The following KCNT2 variants were observed in gnomAD, a reference collection of about 807,000 sequenced individuals.
KCNT2 encodes potassium sodium-activated channel subfamily T member 2, also known as potassium channel subfamily T member 2.
In KCNT2, 67 loss-of-function variants were observed where a neutral mutation model predicts 153.8. That is an observed-to-expected ratio of 0.44 (90% confidence interval 0.36 to 0.53). The LOEUF (loss-of-function observed/expected upper bound fraction) is 0.53. KCNT2 is among the 20% of genes least tolerant of loss of function. KCNT2 has a pLI of 0.00. For missense variants in KCNT2, 975 were observed against 1,354.8 expected (o/e 0.72, Z 4.40); for synonymous variants, 500 against 458.8 (o/e 1.09, Z -1.15).
chr1:196,345,277 A>G (rs954028544), intron 14 of KCNT2, among the ~76,000 whole-genome samples: 1 of 152,198 alleles, frequency 6.6e-6, no homozygotes, highest in Non-Finnish European at 1.5e-5. Context: ...CAGGTAGAAT[A>G]AAATGTAAAT....
At chr1:196,243,479 A>G (rs560363133) in intron 26 of KCNT2, among the ~76,000 whole-genome samples, 10 of 152,120 alleles carry the variant, frequency 6.6e-5, no homozygotes, top group African/African-American at 2.4e-4. Flanking sequence ...TCCAACACCA[A>G]CCCTCCCCTA....
intron 14 of KCNT2, among the ~76,000 whole-genome samples, chr1:196,344,260 A>T (rs1665947404): frequency 6.6e-6 from 1 of 152,192 alleles, no homozygotes; most frequent in Non-Finnish European, 1.5e-5. Context: ...CTCTGATGTT[A>T]CATCTTCCTC....
intron 1 of KCNT2, among the ~76,000 whole-genome samples, chr1:196,579,908 C>T (rs892899876): frequency 2.6e-5 from 4 of 152,190 alleles, no homozygotes; most frequent in Admixed American, 6.5e-5. Context: ...AAGTCTCATT[C>T]GAATGTTCAT....
chr1:196,422,971 G>T, intron 12 of KCNT2, 79 bp downstream of exon 12: 2 of 890,588 alleles, frequency 2.2e-6, no homozygotes, highest in Non-Finnish European at 3.4e-6. Flanking sequence ...TAATGCTGGC[G>T]AATTTTTAAA....
chr1:196,464,780 A>T (rs1677463833), intron 8 of KCNT2, among the ~76,000 whole-genome samples: 1 of 152,028 alleles, frequency 6.6e-6, no homozygotes. Flanking sequence ...ATAATAAAGC[A>T]TATTTTATAT....
intron 5 of KCNT2, among the ~76,000 whole-genome samples, chr1:196,471,125 T>C (rs1372540322): frequency 6.6e-6 from 1 of 151,922 alleles, no homozygotes; most frequent in African/African-American, 2.4e-5. Flanking sequence ...GCCAGGATGG[T>C]CCCGATCTCC....
chr1:196,258,174 G>A lies in KCNT2; in HGVS notation c.3211+20C>T. Reference sequence around the variant, plus strand: ...AAGAAATCACGAGTCCATATATACAGTAGTTTTTAAAGAGCATACCATATC... The same window carrying A: ...AAGAAATCACGAGTCCATATATACAATAGTTTTTAAAGAGCATACCATATC... On this transcript the variant is annotated intron_variant, in intron 26 of 27. Transcript: ENST00000294725. 2 of 1,610,502 alleles carry A rather than the reference G, an allele frequency of 1.2e-6. No individual in the cohort carries two copies. Among genetic ancestry groups the A allele is most frequent in the Non-Finnish European group, 1.7e-6 (2 of 1,178,394 alleles).
chr1:196,531,673 T>C (rs999526563), intron 1 of KCNT2, among the ~76,000 whole-genome samples: 3 of 152,036 alleles, frequency 2.0e-5, no homozygotes, highest in East Asian at 3.9e-4. Flanking sequence ...GGATACACGA[T>C]ATTATTGCTG....
At chr1:196,248,741 C>A (rs1319020120) in intron 26 of KCNT2, among the ~76,000 whole-genome samples, 1 of 152,148 alleles carries the variant, frequency 6.6e-6, no homozygotes, top group Non-Finnish European at 1.5e-5. Flanking sequence ...TAATAACAAT[C>A]CTACTCAACC....
chr1:196,294,008 T>A (rs559737093), intron 22 of KCNT2, among the ~76,000 whole-genome samples: 1 of 151,872 alleles, frequency 6.6e-6, no homozygotes, highest in South Asian at 2.1e-4. Context: ...TCAACAGCAA[T>A]AAAACACATA....
At chr1:196,284,248 A>AAAAAAATATATATATATATATAT in intron 23 of KCNT2, among the ~76,000 whole-genome samples, 1 of 10,044 alleles carries the variant, frequency 1.0e-4, no homozygotes, top group African/African-American at 1.4e-4. Flanking sequence ...AAAAAAAAAA[A>AAAAAAATATATATATATATATAT]ATATATATAT....
chr1:196,339,994 T>C (rs1299308065), intron 16 of KCNT2, among the ~76,000 whole-genome samples: 1 of 152,046 alleles, frequency 6.6e-6, no homozygotes, highest in African/African-American at 2.4e-5. Context: ...AAAATGATTG[T>C]TGATTGTGTT....
intron 13 of KCNT2, among the ~76,000 whole-genome samples, chr1:196,375,695 T>C (rs1055812660): frequency 6.6e-6 from 1 of 151,752 alleles, no homozygotes; most frequent in African/African-American, 2.4e-5. Context: ...TAGATAGTTA[T>C]ATTTACTCTG....
chr1:196,236,231 G>T (rs984956840), intron 26 of KCNT2, among the ~76,000 whole-genome samples, 161 bp from the exon 27 acceptor site: 4 of 151,372 alleles, frequency 2.6e-5, no homozygotes, highest in Non-Finnish European at 5.9e-5. Flanking sequence ...TTTTCAAATT[G>T]CTGTCATTGA....
intron 23 of KCNT2, 130 bp from the exon 24 acceptor site, chr1:196,282,486 T>G (rs1659206163): frequency 1.9e-6 from 1 of 530,800 alleles, no homozygotes; most frequent in Non-Finnish European, 3.3e-6. Context: ...TTTTTAACCC[T>G]CCATACAAAA....
chr1:196,323,632 T>G (rs1663551522), intron 19 of KCNT2, among the ~76,000 whole-genome samples: 1 of 151,950 alleles, frequency 6.6e-6, no homozygotes, highest in Non-Finnish European at 1.5e-5. Context: ...TTTTGGCATA[T>G]TATGTGTATG....
intron 1 of KCNT2, among the ~76,000 whole-genome samples, chr1:196,547,351 A>G (rs1657244212): frequency 6.6e-6 from 1 of 151,670 alleles, no homozygotes; most frequent in Non-Finnish European, 1.5e-5. Flanking sequence ...CCATTATTTA[A>G]AAAAAAATTG....
chr1:196,353,153 A>G (rs1445756132), intron 14 of KCNT2, among the ~76,000 whole-genome samples: 1 of 151,966 alleles, frequency 6.6e-6, no homozygotes, highest in Admixed American at 6.6e-5. Flanking sequence ...CATCTCCCTG[A>G]CTTGCCATCT....
intron 22 of KCNT2, among the ~76,000 whole-genome samples, chr1:196,301,674 AC>A (rs1273165529): frequency 6.6e-6 from 1 of 152,214 alleles, no homozygotes; most frequent in Non-Finnish European, 1.5e-5. Context: ...ATGAATGAAG[AC>A]CACTTAGTAG....
Sources: allele counts gnomAD v4.1 joint callset (sites outside exome capture counted in the v4.1 genomes callset), GRCh38; gene constraint gnomAD v4.1.1; transcripts MANE v1.5; gene names NCBI Gene and HGNC (gene_info 2026-07-23, HGNC 2026-07-21).